TTC6: variants seen among roughly 807,000 people sequenced by gnomAD.
TTC6 encodes tetratricopeptide repeat protein 6.
In TTC6, 172 loss-of-function variants were observed where a neutral mutation model predicts 210.4. The observed-to-expected ratio is 0.82, with a 90% CI of 0.72 to 0.93. The LOEUF (loss-of-function observed/expected upper bound fraction) is 0.93. Ranked by LOEUF, TTC6 falls within the 40% of genes least tolerant of loss-of-function variation. The pLI, the probability that TTC6 is intolerant of heterozygous loss-of-function variation, is 0.00. For missense variants in TTC6, 2,414 were observed against 2,318.1 expected, an observed-to-expected ratio of 1.04 and a Z score of -0.85; for synonymous variants, 804 against 819.6, an observed-to-expected ratio of 0.98 and a Z score of 0.32.
chr14:37,755,175 A>G (rs1189823553), intron 14 of TTC6, among the ~76,000 whole-genome samples: 3 of 152,158 alleles, frequency 2.0e-5, no homozygotes, highest in Non-Finnish European at 4.4e-5. Context: ...TTGGCTTCAT[A>G]AATGTCTTCT....
rs183553959 is a variant in TTC6 at position 37,686,593 on chromosome 14, A to G, written c.1257+3629A>G. ...AAACTGGGAAATTTACAAAAGAAAG[A>G]GGTTTAATGGGCTCACAGTTCCACA... On this transcript the variant is annotated intron_variant, in intron 3 of 30. Coordinates refer to ENST00000553443, the Ensembl canonical transcript of TTC6. Among the ~76,000 whole-genome samples the G allele has an allele frequency of 2.5e-3, 376 of 152,306 alleles. 2 individuals are homozygous for G. Among genetic ancestry groups the G allele is most frequent in the African/African-American group, 8.4e-3 (348 of 41,572 alleles).
chr14:37,839,775 T>A (rs1461192828), intron 29 of TTC6, among the ~76,000 whole-genome samples: 4 of 152,198 alleles, frequency 2.6e-5, no homozygotes, highest in African/African-American at 9.6e-5. Flanking sequence ...GTTTTTATGG[T>A]TTTAGGTGTA....
At position 37,748,604 on chromosome 14, in the gene TTC6, G is replaced by A. The variant is rs190005065; in HGVS notation, c.2364-335G>A. 1.0e-3 allele frequency among the ~76,000 whole-genome samples: 151 copies of A among 151,670 alleles called. 1 individual carries two copies. The highest frequency in any genetic ancestry group is 2.0e-3 in the Non-Finnish European group (133 of 67,924). On this transcript the variant is annotated intron_variant, in intron 10 of 30. Coordinates refer to ENST00000553443, the Ensembl canonical transcript of TTC6. ...CTCTTGCATGGCATTTTTTTCTCACGTTATGTTTACTTCCTTAATTCTCCA... is the reference window on the plus strand; with the variant it reads ...CTCTTGCATGGCATTTTTTTCTCACATTATGTTTACTTCCTTAATTCTCCA...
exon 17 of TTC6, chr14:37,792,392 G>T: frequency 6.6e-7 from 1 of 1,513,512 alleles, no homozygotes; most frequent in Non-Finnish European, 8.8e-7. Flanking sequence ...AGCTATCTTT[G>T]TCGGGCGGAA....
At chr14:37,792,731 C>G (rs561704531) in intron 17 of TTC6, among the ~76,000 whole-genome samples, 94 of 149,926 alleles carry the variant, frequency 6.3e-4, no homozygotes, top group Non-Finnish European at 1.3e-3. Context: ...TAATTTTATT[C>G]TCTAGGGATA....
intron 1 of TTC6, among the ~76,000 whole-genome samples, chr14:37,664,255 C>A (rs748942010): frequency 2.0e-5 from 3 of 150,552 alleles, no homozygotes; most frequent in Non-Finnish European, 4.5e-5. Context: ...TCAAACTATA[C>A]TAAAGGCTAC....
intron 6 of TTC6, among the ~76,000 whole-genome samples, chr14:37,716,392 G>T (rs1376379071): frequency 6.6e-6 from 1 of 152,020 alleles, no homozygotes; most frequent in Admixed American, 6.6e-5. Flanking sequence ...AAATGACGGA[G>T]TGGTAAAATG....
At chr14:37,798,380 T>C (rs1189620587) in intron 20 of TTC6, among the ~76,000 whole-genome samples, 1 of 94,910 alleles carries the variant, frequency 1.1e-5, no homozygotes, top group Non-Finnish European at 2.6e-5. Flanking sequence ...TTTGCTACTA[T>C]TATAAAGGGT....
chr14:37,644,354 A>G (rs1325115586), intron 1 of TTC6, among the ~76,000 whole-genome samples: 2 of 152,212 alleles, frequency 1.3e-5, no homozygotes, highest in African/African-American at 4.8e-5. Flanking sequence ...ACTCATCTGC[A>G]TTCCCAGGGC....
At chr14:37,617,974 C>A (rs753314068), upstream of TTC6, among the ~76,000 whole-genome samples, 4 of 152,194 alleles carry the variant, frequency 2.6e-5, no homozygotes, top group Admixed American at 6.5e-5. Flanking sequence ...ATTCATATTA[C>A]TTTCTGGGCC....
chr14:37,635,904 A>G (rs1006858654), intron 1 of TTC6, among the ~76,000 whole-genome samples: 3 of 148,470 alleles, frequency 2.0e-5, no homozygotes, highest in African/African-American at 7.4e-5. Flanking sequence ...GCCTTAACCC[A>G]GGAGATGGAG....
At chr14:37,649,929 A>G (rs2095708184) in intron 1 of TTC6, among the ~76,000 whole-genome samples, 1 of 152,204 alleles carries the variant, frequency 6.6e-6, no homozygotes, top group African/African-American at 2.4e-5. Flanking sequence ...CCCCATATAT[A>G]TTTCAAATAG....
intron 2 of TTC6, among the ~76,000 whole-genome samples, chr14:37,681,524 A>G (rs998290183): frequency 2.0e-5 from 3 of 152,196 alleles, no homozygotes; most frequent in Non-Finnish European, 1.5e-5. Context: ...TTTACAGGCA[A>G]TCACTGGACC....
chr14:37,734,367 C>A (rs1234547896), intron 7 of TTC6, among the ~76,000 whole-genome samples: 2 of 152,134 alleles, frequency 1.3e-5, no homozygotes, highest in African/African-American at 2.4e-5. Context: ...GTCACCCTTG[C>A]CCCAAGAAAT....
chr14:37,838,890 G>A (rs2139050812), intron 29 of TTC6, among the ~76,000 whole-genome samples: 1 of 152,242 alleles, frequency 6.6e-6, no homozygotes. Flanking sequence ...ACTTATGAGT[G>A]AGAACATGCG....
intron 14 of TTC6, among the ~76,000 whole-genome samples, chr14:37,778,072 A>T: frequency 6.6e-6 from 1 of 152,192 alleles, no homozygotes; most frequent in Non-Finnish European, 1.5e-5. Flanking sequence ...GGGTGGTGGC[A>T]GCAGGATCTG....
intron 10 of TTC6, among the ~76,000 whole-genome samples, chr14:37,742,299 G>A (rs2095922570): frequency 1.3e-5 from 2 of 152,290 alleles, no homozygotes; most frequent in South Asian, 4.1e-4. Flanking sequence ...CTCATCTTGT[G>A]CTGCTGCATT....
chr14:37,638,064 C>A (rs1483235852), intron 1 of TTC6, among the ~76,000 whole-genome samples: 1 of 151,996 alleles, frequency 6.6e-6, no homozygotes, highest in East Asian at 1.9e-4. Context: ...CATAATAACC[C>A]CTAACTGTCA....
At chr14:37,774,744 G>A (rs1474561447) in intron 14 of TTC6, among the ~76,000 whole-genome samples, 1 of 152,114 alleles carries the variant, frequency 6.6e-6, no homozygotes, top group South Asian at 2.1e-4. Flanking sequence ...GATAATGCTG[G>A]CCACATAGAA....
Sources: allele counts gnomAD v4.1 joint callset (sites outside exome capture counted in the v4.1 genomes callset), GRCh38; gene constraint gnomAD v4.1.1; transcripts MANE v1.5; gene names NCBI Gene and HGNC (gene_info 2026-07-23, HGNC 2026-07-21).